The following PLGRKT variants were observed in gnomAD, a reference collection of about 807,000 sequenced individuals.
PLGRKT encodes plasminogen receptor (KT).
In PLGRKT, 22 loss-of-function variants were observed where a neutral mutation model predicts 18.5. That is an observed-to-expected ratio of 1.19 (90% CI 0.85 to 1.70). The LOEUF is 1.70. PLGRKT is among the 40% of genes most tolerant of loss of function. PLGRKT has a pLI of 0.00. For synonymous variants in PLGRKT, 72 were observed against 52.8 expected (o/e 1.36, Z -1.58); for missense variants, 235 against 174.4 (o/e 1.35, Z -1.96).
chr9:5,407,878 ATGTGTGTGTG>A (rs955835826), intron 3 of PLGRKT, among the ~76,000 whole-genome samples: 2 of 152,020 alleles, frequency 1.3e-5, no homozygotes, highest in African/African-American at 2.4e-5. Context: ...ATCTGTAACT[ATGTGTGTGTG>A]TGTCTGTGTG....
chr9:5,364,039 T>A (rs1817327215), intron 3 of PLGRKT, among the ~76,000 whole-genome samples: 1 of 152,208 alleles, frequency 6.6e-6, no homozygotes, highest in Non-Finnish European at 1.5e-5. Flanking sequence ...ATTATTTGTG[T>A]TTTTATCAAA....
chr9:5,397,573 G>T (rs7029324), intron 3 of PLGRKT, among the ~76,000 whole-genome samples: 40,094 of 151,052 alleles, frequency 0.27, 5,554 homozygotes, highest in Non-Finnish European at 0.29. Context: ...AAGAAAGAAG[G>T]GATGGAGGGT....
At chr9:5,423,877 G>GTA (rs1818624086) in intron 3 of PLGRKT, among the ~76,000 whole-genome samples, 1 of 141,032 alleles carries the variant, frequency 7.1e-6, no homozygotes. Context: ...TAATATATAT[G>GTA]TAATATAGTC....
chr9:5,432,350 C>A (rs1158046603), intron 2 of PLGRKT, among the ~76,000 whole-genome samples: 1 of 152,064 alleles, frequency 6.6e-6, no homozygotes, highest in Non-Finnish European at 1.5e-5. Flanking sequence ...GGGTGGATAC[C>A]ATCCATCTTC....
chr9:5,384,919 T>C (rs1817813188), intron 3 of PLGRKT, among the ~76,000 whole-genome samples: 1 of 152,196 alleles, frequency 6.6e-6, no homozygotes, highest in African/African-American at 2.4e-5. Context: ...TTTTGATATG[T>C]GAATTCATTT....
chr9:5,411,910 C>A (rs1315206099), intron 3 of PLGRKT, among the ~76,000 whole-genome samples: 1 of 151,974 alleles, frequency 6.6e-6, no homozygotes, highest in South Asian at 2.1e-4. Flanking sequence ...TAATACAATC[C>A]CAATGAAAAA....
chr9:5,362,074 A>T (rs1447755000), intron 3 of PLGRKT, among the ~76,000 whole-genome samples, 186 bp from the exon 4 acceptor site: 1 of 152,250 alleles, frequency 6.6e-6, no homozygotes, highest in African/African-American at 2.4e-5. Flanking sequence ...CTTGGCAGTG[A>T]AATCTTCCTG....
chr9:5,364,521 G>A (rs1420984434), intron 3 of PLGRKT, among the ~76,000 whole-genome samples: 1 of 152,150 alleles, frequency 6.6e-6, no homozygotes, highest in Non-Finnish European at 1.5e-5. Context: ...AGCCAAAAGG[G>A]CAAGGGATGC....
intron 3 of PLGRKT, chr9:5,392,788 C>G (rs1467821944): frequency 6.6e-6 from 1 of 151,286 alleles, no homozygotes; most frequent in East Asian, 1.9e-4. Flanking sequence ...TTTGGCATGC[C>G]CCTTTATTTA....
chr9:5,434,223 TC>T (rs1366614772), intron 2 of PLGRKT, among the ~76,000 whole-genome samples: 1 of 72,030 alleles, frequency 1.4e-5, no homozygotes. Flanking sequence ...TGCCCAGCCA[TC>T]CCGCCTGGGA....
At chr9:5,365,405 G>T (rs1817363361) in intron 3 of PLGRKT, among the ~76,000 whole-genome samples, 1 of 152,136 alleles carries the variant, frequency 6.6e-6, no homozygotes, top group Non-Finnish European at 1.5e-5. Flanking sequence ...AACATAAATG[G>T]AGAAGAGACA....
chr9:5,395,435 T>G (rs1028173631), intron 3 of PLGRKT, among the ~76,000 whole-genome samples: 1 of 151,948 alleles, frequency 6.6e-6, no homozygotes, highest in East Asian at 1.9e-4. Flanking sequence ...CTGAAGTCAC[T>G]GAAATCCTGG....
intron 3 of PLGRKT, among the ~76,000 whole-genome samples, chr9:5,386,499 C>T (rs1039825280): frequency 6.6e-6 from 1 of 151,776 alleles, no homozygotes; most frequent in Non-Finnish European, 1.5e-5. Flanking sequence ...GACCCCCACA[C>T]ACACACAACA....
Position 5,419,424 on chromosome 9 carries a change from G to T in PLGRKT, c.81+12473C>A, listed in dbSNP as rs1436625699. On this transcript the variant is annotated intron_variant, in intron 3 of 5. Coordinates refer to ENST00000223864, the MANE Select transcript of PLGRKT (RefSeq NM_018465.4). ...TTCAGCGGACCTTTCTCCGTGGCGT[G>T]TTCAGGTGCTGGCTACAGAGGCCAC... Among the ~76,000 whole-genome samples, 3 of 152,228 alleles carry T rather than the reference G, an allele frequency of 2.0e-5. No individual in the cohort carries two copies. The East Asian group carries it at 5.8e-4, about 29-fold the overall frequency.
At chr9:5,406,028 C>G (rs1014645202) in intron 3 of PLGRKT, among the ~76,000 whole-genome samples, 1 of 152,028 alleles carries the variant, frequency 6.6e-6, no homozygotes, top group African/African-American at 2.4e-5. Flanking sequence ...TCACTGATCA[C>G]TAGAGAAATG....
At chr9:5,409,173 TG>T (rs1444914454) in intron 3 of PLGRKT, among the ~76,000 whole-genome samples, 1 of 152,112 alleles carries the variant, frequency 6.6e-6, no homozygotes, top group African/African-American at 2.4e-5. Context: ...TAATACTGAG[TG>T]TCAACTTGAT....
rs140075873 is a variant in PLGRKT, at chr9:5,368,124, C to G, written c.82-6236G>C. 4.1e-3 allele frequency among the ~76,000 whole-genome samples: 626 copies of G among 152,222 alleles called. 8 individuals carry two copies. The highest frequency in any genetic ancestry group is 0.014 in the African/African-American group (590 of 41,520). On this transcript the variant is annotated intron_variant, in intron 3 of 5. Transcript: ENST00000223864. ...CTGCAGAGAAGAGGGAATGCTTACACTGTTGGTGGGAATGTAAATTAATTC... is the reference window on the plus strand; with the variant it reads ...CTGCAGAGAAGAGGGAATGCTTACAGTGTTGGTGGGAATGTAAATTAATTC...
intron 2 of PLGRKT, among the ~76,000 whole-genome samples, chr9:5,432,661 C>T (rs1451146850): frequency 1.3e-5 from 2 of 152,144 alleles, no homozygotes. Context: ...CCACTCCTGA[C>T]TGGTTTTTGT....
At chr9:5,360,983 G>T in intron 5 of PLGRKT, 95 bp downstream of exon 5, 1 of 706,884 alleles carries the variant, frequency 1.4e-6, no homozygotes, top group Non-Finnish European at 2.5e-6. Flanking sequence ...AGAGAGTCTT[G>T]TCAGAATCTT....
Sources: gnomAD v4.1 joint callset for allele counts (sites outside exome capture counted in the v4.1 genomes callset) on GRCh38, gnomAD v4.1.1 for gene constraint, MANE v1.5 for transcripts, NCBI Gene and HGNC (gene_info 2026-07-23, HGNC 2026-07-21) for gene names.